Variants in CALN1 observed in about 807,000 individuals in gnomAD.
CALN1 encodes calcium-binding protein 8.
In CALN1, 17 loss-of-function variants were observed where a neutral mutation model predicts 30.6. That is an observed-to-expected ratio of 0.56 (90% CI 0.38 to 0.83). CALN1 has a LOEUF of 0.83. CALN1 is among the 40% of genes least tolerant of loss of function. CALN1 has a pLI of 0.00. For missense variants in CALN1, 291 were observed against 354.9 expected (o/e 0.82, Z 1.45); for synonymous variants, 156 against 131.4 (o/e 1.19, Z -1.28).
chr7:72,219,418 T>C (rs1793097335), intron 3 of CALN1, among the ~76,000 whole-genome samples: 2 of 152,000 alleles, frequency 1.3e-5, no homozygotes. Flanking sequence ...TTTGTAGAGA[T>C]GGGGTCTTGC....
At chr7:72,384,498 G>T (rs1344302705) in intron 2 of CALN1, among the ~76,000 whole-genome samples, 1 of 152,058 alleles carries the variant, frequency 6.6e-6, no homozygotes, top group Admixed American at 6.6e-5. Context: ...ATGGGGCTTG[G>T]TGTTGTGTGC....
intron 5 of CALN1, among the ~76,000 whole-genome samples, chr7:71,919,598 C>G (rs1794836980): frequency 6.6e-6 from 1 of 152,158 alleles, no homozygotes. Flanking sequence ...ACAAGAGACA[C>G]TGTGAGTATG....
intron 4 of CALN1, among the ~76,000 whole-genome samples, chr7:72,069,436 G>T (rs1804242075): frequency 1.3e-5 from 2 of 152,100 alleles, no homozygotes; most frequent in Admixed American, 6.6e-5. Flanking sequence ...GTATCACTGG[G>T]GCCAAATCTA....
chr7:71,803,091 A>C (rs1295906613), intron 6 of CALN1, among the ~76,000 whole-genome samples: 3 of 152,170 alleles, frequency 2.0e-5, no homozygotes, highest in Non-Finnish European at 4.4e-5. Flanking sequence ...GGATTCAGAG[A>C]TATCTGAGAG....
At chr7:71,932,993 G>A (rs1795640075) in intron 5 of CALN1, among the ~76,000 whole-genome samples, 1 of 152,006 alleles carries the variant, frequency 6.6e-6, no homozygotes, top group Non-Finnish European at 1.5e-5. Context: ...GAGGGTACAG[G>A]AGTCCTTGGT....
At chr7:71,799,462 G>GTT (rs1787176319) in intron 6 of CALN1, among the ~76,000 whole-genome samples, 1 of 148,980 alleles carries the variant, frequency 6.7e-6, no homozygotes, top group African/African-American at 2.6e-5. Flanking sequence ...TAGTTAGTTA[G>GTT]TTAGTTAGTT....
chr7:72,409,471 A>T lies in CALN1; in HGVS notation c.-74+2587T>A, dbSNP rs558844350. Among the ~76,000 whole-genome samples, 99 of 144,006 alleles carry T rather than the reference A, an allele frequency of 6.9e-4. 1 individual carries two copies. The South Asian group carries it at 0.024, about 35-fold the overall frequency. The allele number at this position is 144,006 out of a possible 152,430, so 94.5% of individuals were successfully genotyped here. A position where few individuals can be genotyped will look rare whatever the true frequency, so the allele number is the denominator to read the frequency against. On this transcript the variant is annotated intron_variant, in intron 1 of 6. Coordinates refer to ENST00000395275, the MANE Select transcript of CALN1 (RefSeq NM_031468.4). ...AAACGGATCTCTGTGCCAGCCTCTG[A>T]GGAAGGAGGCATATGGATAGTCTGA...
the CALN1 span, among the ~76,000 whole-genome samples, chr7:72,464,898 C>A: frequency 5.3e-5 from 8 of 152,194 alleles, no homozygotes; most frequent in African/African-American, 1.9e-4. Flanking sequence ...AAGAATCTCC[C>A]AGACAGAAAT....
At chr7:72,229,832 T>G (rs1203382839) in intron 3 of CALN1, among the ~76,000 whole-genome samples, 2 of 151,786 alleles carry the variant, frequency 1.3e-5, no homozygotes, top group Non-Finnish European at 2.9e-5. Context: ...ACATAATGCA[T>G]TTGCAGGGCT....
intron 5 of CALN1, among the ~76,000 whole-genome samples, chr7:71,867,229 CA>C (rs1791640304): frequency 6.6e-6 from 1 of 151,456 alleles, no homozygotes; most frequent in African/African-American, 2.4e-5. Context: ...TAAAAATCAA[CA>C]GCTATATTAT....
intron 3 of CALN1, among the ~76,000 whole-genome samples, chr7:72,155,512 GAGAAAA>G (rs1443282660): frequency 1.3e-5 from 2 of 151,394 alleles, no homozygotes; most frequent in Non-Finnish European, 2.9e-5. Flanking sequence ...AAAAGAGAGA[GAGAAAA>G]AGAAAAAGAA....
chr7:72,046,044 A>G (rs1448226086), intron 4 of CALN1, among the ~76,000 whole-genome samples: 2 of 147,742 alleles, frequency 1.4e-5, no homozygotes. Flanking sequence ...CAGGTGCAGG[A>G]GCTCACCCCT....
intron 5 of CALN1, among the ~76,000 whole-genome samples, chr7:71,876,158 T>A (rs914849573): frequency 2.6e-5 from 4 of 152,136 alleles, no homozygotes; most frequent in African/African-American, 9.7e-5. Context: ...ATGTTAGAAT[T>A]TGATTCCTAA....
At chr7:72,475,418 C>T in the CALN1 span, among the ~76,000 whole-genome samples, 1 of 152,110 alleles carries the variant, frequency 6.6e-6, no homozygotes, top group Non-Finnish European at 1.5e-5. Flanking sequence ...GAGATCGCGC[C>T]ACTGCACTCC....
chr7:71,885,036 T>C (rs1385334089), intron 5 of CALN1, among the ~76,000 whole-genome samples: 1 of 152,250 alleles, frequency 6.6e-6, no homozygotes, highest in African/African-American at 2.4e-5. Flanking sequence ...TCCAGGTCTT[T>C]AGACAAACTC....
At chr7:72,057,447 T>C (rs2129536690) in intron 4 of CALN1, among the ~76,000 whole-genome samples, 1 of 150,262 alleles carries the variant, frequency 6.7e-6, no homozygotes, top group East Asian at 2.0e-4. Context: ...AATGAAGTGT[T>C]CAGAAATTTG....
intron 3 of CALN1, among the ~76,000 whole-genome samples, chr7:72,214,361 T>C (rs1420156303): frequency 6.6e-6 from 1 of 151,938 alleles, no homozygotes; most frequent in Non-Finnish European, 1.5e-5. Context: ...ACGCCTGTAG[T>C]CCTAGCTACT....
intron 4 of CALN1, among the ~76,000 whole-genome samples, chr7:72,028,454 C>T (rs1052251615): frequency 7.9e-5 from 12 of 152,184 alleles, no homozygotes; most frequent in Non-Finnish European, 1.5e-4. Flanking sequence ...TTCTGAAACA[C>T]ATCTTGGTCC....
intron 2 of CALN1, among the ~76,000 whole-genome samples, chr7:72,378,273 T>G (rs374406498): frequency 5.3e-5 from 8 of 152,298 alleles, no homozygotes; most frequent in South Asian, 2.1e-4. Context: ...ACTGGACATG[T>G]GGGCTATCAT....
Sources: gnomAD v4.1 joint callset for allele counts (sites outside exome capture counted in the v4.1 genomes callset) on GRCh38, gnomAD v4.1.1 for gene constraint, MANE v1.5 for transcripts, NCBI Gene and HGNC (gene_info 2026-07-23, HGNC 2026-07-21) for gene names.